MDGA2: variants seen among roughly 807,000 people sequenced by gnomAD.
MDGA2 encodes MAM domain-containing glycosylphosphatidylinositol anchor protein 2.
Under a neutral mutation model 117.8 loss-of-function variants are expected in MDGA2, and 40 were observed. The observed-to-expected ratio is 0.34, with a 90% CI of 0.26 to 0.44. The LOEUF (loss-of-function observed/expected upper bound fraction) is 0.44, where lower values mean the gene tolerates loss of function less well. Ranked by LOEUF, MDGA2 falls within the 20% of genes least tolerant of loss-of-function variation. The pLI is 1.00. For missense variants in MDGA2, 1,123 were observed against 1,250.6 expected (o/e 0.90, Z 1.54); for synonymous variants, 452 against 439.0 (o/e 1.03, Z -0.37).
intron 1 of MDGA2, among the ~76,000 whole-genome samples, chr14:47,327,363 T>C (rs1191652701): frequency 6.6e-6 from 1 of 152,158 alleles, no homozygotes; most frequent in East Asian, 1.9e-4. Flanking sequence ...TGTGCCTTTA[T>C]ATATAACAGT....
chr14:47,009,307 G>T (rs1000072501), intron 8 of MDGA2, among the ~76,000 whole-genome samples: 1 of 151,954 alleles, frequency 6.6e-6, no homozygotes, highest in African/African-American at 2.4e-5. Context: ...AAAAAAGTTA[G>T]CCAATTTAAT....
At chr14:47,467,019 G>A (rs990415895) in intron 1 of MDGA2, among the ~76,000 whole-genome samples, 3 of 152,060 alleles carry the variant, frequency 2.0e-5, no homozygotes, top group Non-Finnish European at 2.9e-5. Context: ...CAGAGGCAGT[G>A]AACTGAAGTA....
chr14:47,620,405 A>G (rs1238655333), intron 1 of MDGA2, among the ~76,000 whole-genome samples: 1 of 152,256 alleles, frequency 6.6e-6, no homozygotes, highest in Admixed American at 6.5e-5. Flanking sequence ...AATCTTTGGC[A>G]AATGCAAGTT....
chr14:46,965,069 G>A (rs1421408041), intron 8 of MDGA2, among the ~76,000 whole-genome samples: 2 of 140,308 alleles, frequency 1.4e-5, no homozygotes, highest in Non-Finnish European at 3.0e-5. Context: ...GACTACAGGC[G>A]CCCGCCACCA....
At chr14:47,252,333 G>T (rs151326277) in intron 2 of MDGA2, among the ~76,000 whole-genome samples, 1 of 151,986 alleles carries the variant, frequency 6.6e-6, no homozygotes, top group Non-Finnish European at 1.5e-5. Context: ...GAACAGAATA[G>T]GGTTGTGATA....
chr14:46,846,401 T>G (rs1012777499), intron 15 of MDGA2, among the ~76,000 whole-genome samples: 2 of 152,160 alleles, frequency 1.3e-5, no homozygotes, highest in African/African-American at 2.4e-5. Flanking sequence ...ATTCCCATGT[T>G]GACTTTATAA....
rs1880810127 is a variant in MDGA2, at chr14:46,845,706, A to G, written c.2989+60T>C. The G allele has an allele frequency of 2.6e-5, 26 of 1,004,516 alleles. 1 individual carries two copies. The South Asian group carries it at 4.3e-4, about 17-fold the overall frequency. 62.2% of individuals were successfully genotyped at this position (1,004,516 alleles called of 1,614,324 possible). A position where few individuals can be genotyped will look rare whatever the true frequency, so the allele number is the denominator to read the frequency against. On this transcript the variant is annotated intron_variant, in intron 16 of 16. Coordinates refer to ENST00000399232, the MANE Select transcript of MDGA2 (RefSeq NM_001113498.3). ...TTTAAAATTAATTAAATTAAATGTT[A>G]ATTTAATAGTAATGTTACTTTAACG...
At chr14:47,648,297 A>G (rs1415482060) in intron 1 of MDGA2, among the ~76,000 whole-genome samples, 1 of 152,138 alleles carries the variant, frequency 6.6e-6, no homozygotes. Flanking sequence ...GGATACTATT[A>G]AAGAAGTATG....
intron 15 of MDGA2, among the ~76,000 whole-genome samples, chr14:46,851,921 T>C (rs1467291461): frequency 6.6e-6 from 1 of 151,734 alleles, no homozygotes; most frequent in Admixed American, 6.6e-5. Context: ...AAAAAAACTT[T>C]TTATAAAACA....
intron 1 of MDGA2, among the ~76,000 whole-genome samples, chr14:47,392,572 G>A (rs929605838): frequency 3.9e-5 from 6 of 151,972 alleles, no homozygotes; most frequent in African/African-American, 1.5e-4. Flanking sequence ...AACTTTCAGG[G>A]TAAACAGTCC....
intron 7 of MDGA2, 95 bp downstream of exon 7, chr14:47,061,154 G>T: frequency 8.3e-7 from 1 of 1,208,100 alleles, no homozygotes; most frequent in South Asian, 1.6e-5. Context: ...AACTTAAAAG[G>T]GAAAAAATAT....
chr14:46,849,671 A>G (rs1455468289), intron 15 of MDGA2, among the ~76,000 whole-genome samples: 1 of 151,946 alleles, frequency 6.6e-6, no homozygotes, highest in Admixed American at 6.6e-5. Context: ...AATATGATGT[A>G]TTTAGCCATA....
intron 1 of MDGA2, among the ~76,000 whole-genome samples, chr14:47,606,268 T>C (rs1277912178): frequency 2.6e-5 from 4 of 152,190 alleles, no homozygotes; most frequent in Admixed American, 2.6e-4. Flanking sequence ...AAAGTTGATC[T>C]ACCAGCCAGG....
intron 1 of MDGA2, among the ~76,000 whole-genome samples, chr14:47,555,101 A>G (rs1454482096): frequency 6.6e-6 from 1 of 152,040 alleles, no homozygotes; most frequent in Non-Finnish European, 1.5e-5. Flanking sequence ...TACAATTCCT[A>G]TTGTGTGTGT....
intron 1 of MDGA2, among the ~76,000 whole-genome samples, chr14:47,666,464 C>T (rs912775256): frequency 1.3e-5 from 2 of 152,152 alleles, no homozygotes; most frequent in South Asian, 2.1e-4. Context: ...GTATCTAGCT[C>T]AGGGTTTGTA....
At chr14:46,947,853 G>T (rs1040227700) in intron 9 of MDGA2, among the ~76,000 whole-genome samples, 2 of 151,642 alleles carry the variant, frequency 1.3e-5, no homozygotes, top group Non-Finnish European at 2.9e-5. Context: ...AAAAATCTCA[G>T]TTATTATTTT....
Position 46,874,166 on chromosome 14 carries a change from A to G in MDGA2, c.2472T>C (p.Ile824=). Residue 824 remains isoleucine (I), a synonymous_variant, in exon 13 of 17, where the codon ATT becomes ATC. Transcript: ENST00000399232. ...CTGTATCATCTTGAGTGAACAAACAAATATTACCATCTTCAAATCCACAAT... is the reference window on the plus strand; with the variant it reads ...CTGTATCATCTTGAGTGAACAAACAGATATTACCATCTTCAAATCCACAAT... The part of the protein sequence containing the change: ...EFHCGFEDGN[I]CLFTQDDTDN... 4 of 1,472,666 alleles carry G rather than the reference A, an allele frequency of 2.7e-6. No homozygotes were observed. The highest frequency in any genetic ancestry group is 3.6e-6 in the Non-Finnish European group (4 of 1,110,826). The allele number at this position is 1,472,666 out of a possible 1,614,324, so 91.2% of individuals were successfully genotyped here.
intron 1 of MDGA2, among the ~76,000 whole-genome samples, chr14:47,627,709 G>A (rs1390274532): frequency 6.6e-6 from 1 of 152,184 alleles, no homozygotes; most frequent in African/African-American, 2.4e-5. Flanking sequence ...GTCTGCCCCA[G>A]CCAGCAGTGG....
intron 2 of MDGA2, among the ~76,000 whole-genome samples, chr14:47,245,400 C>A (rs1887204344): frequency 6.6e-6 from 1 of 151,724 alleles, no homozygotes; most frequent in Non-Finnish European, 1.5e-5. Context: ...GACTTCTGGT[C>A]AACAGTAAGC....
Sources: allele counts gnomAD v4.1 joint callset (sites outside exome capture counted in the v4.1 genomes callset), GRCh38; gene constraint gnomAD v4.1.1; transcripts MANE v1.5; gene names NCBI Gene and HGNC (gene_info 2026-07-23, HGNC 2026-07-21).